Variants in CSMD1 observed in about 807,000 individuals in gnomAD.
CSMD1 encodes the protein CUB and sushi domain-containing protein 1.
Under a neutral mutation model 417.5 loss-of-function variants are expected in CSMD1, and 213 were observed. The ratio of observed to expected loss-of-function variants is 0.51; its 90% confidence interval spans 0.46 to 0.57. CSMD1 has a LOEUF of 0.57. Among genes scored for constraint, CSMD1 ranks in the 20% least tolerant of loss-of-function variants. CSMD1 has a pLI of 0.00. For synonymous variants in CSMD1, 2,862 were observed against 1,736.8 expected (o/e 1.65, Z -16.11); for missense variants, 6,923 against 4,529.7 (o/e 1.53, Z -15.17).
At chr8:3,257,279 G>T (rs377676707) in intron 26 of CSMD1, among the ~76,000 whole-genome samples, 2 of 152,152 alleles carry the variant, frequency 1.3e-5, no homozygotes, top group Admixed American at 1.3e-4. Context: ...AGCCAAAACC[G>T]TGCCACTGCA....
intron 5 of CSMD1, among the ~76,000 whole-genome samples, chr8:3,853,967 T>G (rs953712358): frequency 7.2e-6 from 1 of 138,678 alleles, no homozygotes; most frequent in African/African-American, 2.7e-5. Flanking sequence ...ATTAAATATA[T>G]CATGTCAATA....
chr8:3,285,132 A>G (rs759156430), intron 25 of CSMD1, among the ~76,000 whole-genome samples: 1 of 152,112 alleles, frequency 6.6e-6, no homozygotes, highest in Non-Finnish European at 1.5e-5. Context: ...ACAGTTTTTT[A>G]TTTCCTGCGT....
At chr8:3,959,716 G>C (rs1011472894) in intron 5 of CSMD1, among the ~76,000 whole-genome samples, 2 of 152,134 alleles carry the variant, frequency 1.3e-5, no homozygotes, top group African/African-American at 2.4e-5. Flanking sequence ...CCTGAACACA[G>C]AATGTTTTGA....
rs773284240 is a variant in CSMD1 at position 4,637,515 on chromosome 8, A to G, written c.129T>C (p.Ile43=). 6.2e-7 allele frequency: 1 copy of G among 1,613,896 alleles called. No homozygotes were observed. The highest frequency in any genetic ancestry group is 8.5e-7 in the Non-Finnish European group (1 of 1,179,840). The change falls in exon 2 of 70, where the codon ATT becomes ATC. Residue 43 remains isoleucine (I), a synonymous_variant. Coordinates refer to ENST00000635120, the MANE Select transcript of CSMD1 (RefSeq NM_033225.6). The part of the protein sequence containing the change: ...GGLVQGPNGT[I]ESPGFPHGYP... ...ACCCGTGAGGAAACCCTGGGCTCTC[A>G]ATAGTGCCATTGGGACCCTGGACTA...
chr8:4,655,721 G>T lies in CSMD1; in HGVS notation c.86-18163C>A, dbSNP rs144244984. Among the ~76,000 whole-genome samples the T allele has an allele frequency of 7.5e-3, 1,143 of 152,196 alleles. 34 individuals carry two copies. In the East Asian group the frequency reaches 0.098, roughly 13 times the overall value. The stretch of plus-strand genomic sequence containing the variant: ...ACGAAGAGGTGTTAACCAGAAAAAT[G>T]ATGTTCATAAGAAATGCCCAACAGC... On this transcript the variant is annotated intron_variant, in intron 1 of 69. Coordinates refer to ENST00000635120, the MANE Select transcript of CSMD1 (RefSeq NM_033225.6).
chr8:3,985,380 A>G (rs1563285687), intron 5 of CSMD1, among the ~76,000 whole-genome samples: 1 of 152,176 alleles, frequency 6.6e-6, no homozygotes, highest in Admixed American at 6.5e-5. Flanking sequence ...TCTTCCATAG[A>G]AAGTAAATGA....
intron 5 of CSMD1, among the ~76,000 whole-genome samples, chr8:3,974,248 C>G (rs1011873807): frequency 2.9e-5 from 4 of 136,954 alleles, no homozygotes; most frequent in African/African-American, 9.0e-5. Context: ...ATATAATTAT[C>G]TTAAATAATT....
chr8:3,087,048 G>T, intron 49 of CSMD1, 49 bp downstream of exon 49: 1 of 1,463,848 alleles, frequency 6.8e-7, no homozygotes. Context: ...TGATTAAAAT[G>T]AGAGCAATAC....
chr8:4,532,875 G>A (rs1388118400), intron 2 of CSMD1, among the ~76,000 whole-genome samples: 1 of 149,862 alleles, frequency 6.7e-6, no homozygotes, highest in Non-Finnish European at 1.5e-5. Flanking sequence ...AGTCACTCCG[G>A]AAGAGAAATC....
intron 2 of CSMD1, among the ~76,000 whole-genome samples, chr8:4,474,227 T>C (rs1016517830): frequency 4.6e-5 from 7 of 152,148 alleles, no homozygotes; most frequent in Non-Finnish European, 1.0e-4. Context: ...TTGTTTATTA[T>C]AGGTATAACA....
chr8:3,851,005 T>C (rs958385016), intron 5 of CSMD1, among the ~76,000 whole-genome samples: 1 of 152,228 alleles, frequency 6.6e-6, no homozygotes, highest in African/African-American at 2.4e-5. Context: ...TAGATAAATA[T>C]CTATGTGTTT....
chr8:3,608,871 A>T (rs1040405319), intron 8 of CSMD1, among the ~76,000 whole-genome samples: 1 of 152,112 alleles, frequency 6.6e-6, no homozygotes, highest in Admixed American at 6.6e-5. Flanking sequence ...GCAGTGATCA[A>T]TTAAACCAAG....
intron 3 of CSMD1, among the ~76,000 whole-genome samples, chr8:4,358,001 C>T (rs1035565336): frequency 6.6e-6 from 1 of 152,146 alleles, no homozygotes; most frequent in African/African-American, 2.4e-5. Context: ...CATCTCCCTC[C>T]CCTTCCCATG....
chr8:4,990,568 T>C (rs1005288251), intron 1 of CSMD1, among the ~76,000 whole-genome samples: 1 of 152,148 alleles, frequency 6.6e-6, no homozygotes, highest in African/African-American at 2.4e-5. Context: ...TTTCACTATG[T>C]TGGTCAAGCT....
At chr8:3,221,557 C>A (rs1798217008) in intron 28 of CSMD1, among the ~76,000 whole-genome samples, 1 of 151,824 alleles carries the variant, frequency 6.6e-6, no homozygotes, top group African/African-American at 2.4e-5. Context: ...AACAAACAAA[C>A]AAACACTATA....
chr8:3,568,128 A>G (rs931359944), intron 10 of CSMD1, among the ~76,000 whole-genome samples: 5 of 152,226 alleles, frequency 3.3e-5, no homozygotes, highest in African/African-American at 1.2e-4. Flanking sequence ...AAACAAACTT[A>G]TAATTAAATA....
intron 68 of CSMD1, among the ~76,000 whole-genome samples, chr8:2,944,645 G>T (rs1802096242): frequency 6.6e-6 from 1 of 151,976 alleles, no homozygotes; most frequent in Non-Finnish European, 1.5e-5. Flanking sequence ...CTCAGAACCT[G>T]CAATAAAACC....
At chr8:4,610,636 C>G (rs932573567) in intron 2 of CSMD1, among the ~76,000 whole-genome samples, 1 of 152,086 alleles carries the variant, frequency 6.6e-6, no homozygotes, top group Non-Finnish European at 1.5e-5. Flanking sequence ...TTAGAAATAC[C>G]TGATTATAAA....
At chr8:4,328,687 T>C (rs1390155409) in intron 3 of CSMD1, among the ~76,000 whole-genome samples, 2 of 152,218 alleles carry the variant, frequency 1.3e-5, no homozygotes, top group Admixed American at 6.5e-5. Flanking sequence ...ATATTCAACC[T>C]ACTAGGAAGT....
Sources: gnomAD v4.1 joint callset for allele counts (sites outside exome capture counted in the v4.1 genomes callset) on GRCh38, gnomAD v4.1.1 for gene constraint, MANE v1.5 for transcripts, NCBI Gene and HGNC (gene_info 2026-07-23, HGNC 2026-07-21) for gene names.